RGS6: variants seen among roughly 807,000 people sequenced by gnomAD.
The protein encoded by RGS6 is regulator of G-protein signaling 6.
A neutral mutation model predicts 78.5 loss-of-function variants in RGS6; 30 were observed. The ratio of observed to expected loss-of-function variants is 0.38; its 90% confidence interval spans 0.29 to 0.52. The LOEUF (loss-of-function observed/expected upper bound fraction) is 0.52, where lower values mean the gene tolerates loss of function less well. RGS6 is among the 20% of genes least tolerant of loss of function. The probability of loss-of-function intolerance (pLI) is 0.85; values close to 1 mark genes in which losing one functional copy is unlikely to be tolerated. For missense variants in RGS6, 495 were observed against 609.7 expected, an observed-to-expected ratio of 0.81 and a Z score of 1.98; for synonymous variants, 206 against 206.0, an observed-to-expected ratio of 1.00 and a Z score of 0.00.
intron 2 of RGS6, among the ~76,000 whole-genome samples, chr14:72,245,760 GA>G (rs1302941976): frequency 6.6e-6 from 1 of 152,222 alleles, no homozygotes; most frequent in East Asian, 1.9e-4. Context: ...CAGACTTGAA[GA>G]AGCAGTTAAA....
intron 12 of RGS6, among the ~76,000 whole-genome samples, chr14:72,488,250 T>C (rs1398851659): frequency 1.3e-5 from 2 of 152,262 alleles, no homozygotes; most frequent in Non-Finnish European, 2.9e-5. Flanking sequence ...CAGGACTTTC[T>C]GTGTTCCTTC....
chr14:72,300,475 C>G (rs1413671262), intron 2 of RGS6, among the ~76,000 whole-genome samples: 1 of 152,172 alleles, frequency 6.6e-6, no homozygotes, highest in East Asian at 1.9e-4. Flanking sequence ...CAAAAGCATT[C>G]TGTCTCAGCC....
the RGS6 span, among the ~76,000 whole-genome samples, chr14:72,611,835 C>T: frequency 1.3e-5 from 2 of 152,132 alleles, no homozygotes; most frequent in Non-Finnish European, 2.9e-5. Context: ...GATGCCTCCA[C>T]CTGCTTGTCT....
chr14:72,283,756 C>T (rs145888526), intron 2 of RGS6, among the ~76,000 whole-genome samples: 114 of 152,236 alleles, frequency 7.5e-4, no homozygotes, highest in African/African-American at 2.7e-3. Flanking sequence ...GTAAAGATAC[C>T]TGAAAATGTA....
At chr14:71,931,317 T>A (rs1378746324), upstream of RGS6, among the ~76,000 whole-genome samples, 1 of 151,698 alleles carries the variant, frequency 6.6e-6, no homozygotes. Context: ...TGTTATCCCA[T>A]TCGACGTGAA....
chr14:71,897,393 T>C, the RGS6 span, among the ~76,000 whole-genome samples: 2,002 of 152,380 alleles, frequency 0.013, 16 homozygotes, highest in Non-Finnish European at 0.022. Context: ...TATTAAAGTT[T>C]AAATCAGATA....
intron 2 of RGS6, among the ~76,000 whole-genome samples, chr14:72,086,572 C>A (rs1172318533): frequency 6.6e-6 from 1 of 152,104 alleles, no homozygotes; most frequent in African/African-American, 2.4e-5. Context: ...TCATTCTTCC[C>A]TGAGCCCTCT....
chr14:72,379,407 A>G (rs2085498184), intron 3 of RGS6, among the ~76,000 whole-genome samples: 1 of 152,148 alleles, frequency 6.6e-6, no homozygotes, highest in Admixed American at 6.6e-5. Context: ...GTTTGCAGGC[A>G]CATGAACTTA....
intron 2 of RGS6, among the ~76,000 whole-genome samples, chr14:72,090,280 G>A (rs1252834532): frequency 6.6e-6 from 1 of 152,036 alleles, no homozygotes; most frequent in Non-Finnish European, 1.5e-5. Flanking sequence ...TAACCCCCAG[G>A]CCATGGACCA....
intron 17 of RGS6, among the ~76,000 whole-genome samples, chr14:72,559,836 C>T (rs1042873374): frequency 6.6e-6 from 1 of 152,026 alleles, no homozygotes; most frequent in Non-Finnish European, 1.5e-5. Context: ...CCTTCAAGCC[C>T]AGCCCAGCCC....
At chr14:72,074,888 T>C (rs1277321161) in intron 2 of RGS6, among the ~76,000 whole-genome samples, 3 of 152,270 alleles carry the variant, frequency 2.0e-5, no homozygotes, top group African/African-American at 4.8e-5. Context: ...AGTTCTGTTT[T>C]GTCTTCAGCT....
chr14:72,377,769 A>G (rs988228587), intron 3 of RGS6, among the ~76,000 whole-genome samples: 57 of 152,190 alleles, frequency 3.7e-4, no homozygotes, highest in African/African-American at 1.3e-3. Flanking sequence ...TTTGAGCCCA[A>G]GAGTTTGAGA....
chr14:72,302,045 C>G (rs1287828810), intron 2 of RGS6, among the ~76,000 whole-genome samples: 1 of 152,156 alleles, frequency 6.6e-6, no homozygotes, highest in Non-Finnish European at 1.5e-5. Context: ...ATTTGGAAAT[C>G]TAGTTTATCT....
chr14:71,890,997 T>C, the RGS6 span, among the ~76,000 whole-genome samples: 3 of 152,206 alleles, frequency 2.0e-5, no homozygotes, highest in Non-Finnish European at 2.9e-5. Context: ...GGTGATTTAG[T>C]TCAGTTCTCT....
intron 2 of RGS6, among the ~76,000 whole-genome samples, chr14:71,985,156 G>C (rs146955470): frequency 6.6e-6 from 1 of 152,148 alleles, no homozygotes; most frequent in Non-Finnish European, 1.5e-5. Flanking sequence ...ATGGAGTCTC[G>C]TTCTGTCACC....
chr14:72,339,502 G>C (rs1157968909), intron 2 of RGS6, among the ~76,000 whole-genome samples: 2 of 152,202 alleles, frequency 1.3e-5, no homozygotes, highest in Admixed American at 1.3e-4. Context: ...TTTGGTGGCT[G>C]GATTGAAGAG....
intron 2 of RGS6, among the ~76,000 whole-genome samples, chr14:71,999,613 G>A (rs937559326): frequency 9.2e-6 from 1 of 108,946 alleles, no homozygotes; most frequent in Non-Finnish European, 2.2e-5. Context: ...GGATGGTGGG[G>A]GTGGATCCTT....
At chr14:72,217,895 A>T (rs1239613249) in intron 2 of RGS6, among the ~76,000 whole-genome samples, 1 of 152,216 alleles carries the variant, frequency 6.6e-6, no homozygotes, top group African/African-American at 2.4e-5. Context: ...ATATGTATTC[A>T]CACACATTTA....
At chr14:72,199,376 A>G (rs2040951773) in intron 2 of RGS6, among the ~76,000 whole-genome samples, 1 of 152,226 alleles carries the variant, frequency 6.6e-6, no homozygotes, top group Admixed American at 6.5e-5. Flanking sequence ...AGCACTTTGC[A>G]TCTAGTTGTG....
Sources: allele counts gnomAD v4.1 joint callset (sites outside exome capture counted in the v4.1 genomes callset), GRCh38; gene constraint gnomAD v4.1.1; transcripts MANE v1.5; gene names NCBI Gene and HGNC (gene_info 2026-07-23, HGNC 2026-07-21).